Variants in CDC14A observed in about 807,000 individuals in gnomAD.
The protein encoded by CDC14A is dual specificity protein phosphatase CDC14A.
A neutral mutation model predicts 74.4 loss-of-function variants in CDC14A; 53 were observed. That is an observed-to-expected ratio of 0.71 (90% CI 0.57 to 0.89). CDC14A has a LOEUF of 0.89. Among genes scored for constraint, CDC14A ranks in the 40% least tolerant of loss-of-function variants. The pLI is 0.00. For missense variants in CDC14A, 646 were observed against 713.7 expected (o/e 0.91, Z 1.08); for synonymous variants, 247 against 258.4 (o/e 0.96, Z 0.43).
At chr1:100,420,176 A>G (rs184972901) in intron 4 of CDC14A, among the ~76,000 whole-genome samples, 16 of 135,428 alleles carry the variant, frequency 1.2e-4, no homozygotes, top group Non-Finnish European at 1.7e-4. Flanking sequence ...AAACAAAGCT[A>G]AAAACATAGT....
intron 14 of CDC14A, among the ~76,000 whole-genome samples, chr1:100,498,605 G>A (rs1648234251): frequency 6.6e-6 from 1 of 152,124 alleles, no homozygotes; most frequent in Non-Finnish European, 1.5e-5. Context: ...CCCCTTACAT[G>A]GCCCTTTTCC....
intron 5 of CDC14A, among the ~76,000 whole-genome samples, chr1:100,426,956 A>G (rs770022018): frequency 6.6e-6 from 1 of 152,206 alleles, no homozygotes; most frequent in Non-Finnish European, 1.5e-5. Flanking sequence ...GAATACTACT[A>G]GTTTTCTGGA....
chr1:100,368,886 C>T (rs904043424), intron 2 of CDC14A, among the ~76,000 whole-genome samples: 1 of 152,074 alleles, frequency 6.6e-6, no homozygotes, highest in Admixed American at 6.6e-5. Context: ...GGATAATAGC[C>T]TCCAGCTTCA....
At chr1:100,447,464 G>A (rs1244734184) in intron 7 of CDC14A, among the ~76,000 whole-genome samples, 1 of 152,242 alleles carries the variant, frequency 6.6e-6, no homozygotes, top group Non-Finnish European at 1.5e-5. Flanking sequence ...GTAACTGTGA[G>A]ATGGTGGTCC....
chr1:100,431,588 T>C (rs1446929416), intron 5 of CDC14A, among the ~76,000 whole-genome samples: 2 of 151,960 alleles, frequency 1.3e-5, no homozygotes, highest in African/African-American at 4.8e-5. Context: ...ATTCCTGTAA[T>C]CCCAGTGCTT....
rs1052564780 is a variant in CDC14A, at chr1:100,508,287, A to G, written c.1755+9025A>G. Among the ~76,000 whole-genome samples the G allele has an allele frequency of 1.5e-4, 22 of 151,284 alleles. No individual in the cohort carries two copies. Among genetic ancestry groups the G allele is most frequent in the Non-Finnish European group, 2.2e-4 (15 of 67,796 alleles). ...TCTTATTCTTTTTATATGTGTGTGT[A>G]TATATATAGATATATATATATATTT... On this transcript the variant is annotated intron_variant, in intron 15 of 15. Transcript: ENST00000336454. This position sits in a 1 kb window ranked among gnomAD's most constrained non-coding sequence, Gnocchi z 4.4.
intron 7 of CDC14A, among the ~76,000 whole-genome samples, chr1:100,449,993 A>G (rs772146734): frequency 1.3e-5 from 2 of 150,794 alleles, no homozygotes; most frequent in Non-Finnish European, 2.9e-5. Flanking sequence ...CAGCCAATCT[A>G]TGCTGCAAGA....
At chr1:100,375,601 C>T (rs980160606) in intron 2 of CDC14A, among the ~76,000 whole-genome samples, 1 of 152,174 alleles carries the variant, frequency 6.6e-6, no homozygotes, top group Admixed American at 6.5e-5. Context: ...CAATCAGATA[C>T]CATTTCACAC....
chr1:100,391,115 G>GA (rs1178986390), intron 4 of CDC14A: 362 of 382,258 alleles, frequency 9.5e-4, no homozygotes, highest in Middle Eastern at 2.1e-3. Flanking sequence ...ACATTTCTAG[G>GA]AAAAAAAAAT....
intron 2 of CDC14A, among the ~76,000 whole-genome samples, chr1:100,362,184 G>A (rs970055867): frequency 5.3e-5 from 8 of 152,156 alleles, no homozygotes; most frequent in African/African-American, 1.4e-4. Flanking sequence ...AAAATAGACC[G>A]TGTCTGTCCT....
intron 5 of CDC14A, among the ~76,000 whole-genome samples, chr1:100,424,868 A>G (rs1271923751): frequency 1.3e-5 from 2 of 152,158 alleles, no homozygotes; most frequent in African/African-American, 2.4e-5. Context: ...ACTTGAGCTC[A>G]TTTAAAAAGT....
intron 3 of CDC14A, among the ~76,000 whole-genome samples, chr1:100,384,594 C>T (rs182738996): frequency 3.5e-4 from 54 of 152,338 alleles, no homozygotes; most frequent in Admixed American, 1.9e-3. Context: ...TGACACACAA[C>T]AGCTACTCAA....
intron 15 of CDC14A, among the ~76,000 whole-genome samples, chr1:100,507,605 A>C (rs1300950476): frequency 2.0e-5 from 3 of 150,242 alleles, no homozygotes; most frequent in Non-Finnish European, 4.4e-5. Flanking sequence ...CGGCTCCACT[A>C]TCTTTTTGGA....
intron 8 of CDC14A, among the ~76,000 whole-genome samples, chr1:100,456,098 A>G (rs898684394): frequency 1.3e-5 from 2 of 152,244 alleles, no homozygotes; most frequent in African/African-American, 4.8e-5. Context: ...GAGGGCTCCT[A>G]AACATTGCCA....
At chr1:100,403,972 TTTTAA>T (rs1659598636) in intron 4 of CDC14A, among the ~76,000 whole-genome samples, 1 of 152,226 alleles carries the variant, frequency 6.6e-6, no homozygotes, top group African/African-American at 2.4e-5. Context: ...GATTGAATAA[TTTTAA>T]TTTATGTAAA....
intron 4 of CDC14A, among the ~76,000 whole-genome samples, chr1:100,412,733 A>ATATATATATATATATAAAATATATATG (rs1557732433): frequency 9.1e-6 from 1 of 110,120 alleles, no homozygotes; most frequent in African/African-American, 4.8e-5. Context: ...TTTTATATAT[A>ATATATATATATATATAAAATATATATG]TATATTTTAT....
At chr1:100,379,431 C>G (rs1655778175) in intron 3 of CDC14A, among the ~76,000 whole-genome samples, 1 of 152,134 alleles carries the variant, frequency 6.6e-6, no homozygotes, top group African/African-American at 2.4e-5. Context: ...GCATTACTTG[C>G]TGAATGATTG....
At chr1:100,415,824 G>C (rs561846105) in intron 4 of CDC14A, among the ~76,000 whole-genome samples, 199 of 152,108 alleles carry the variant, frequency 1.3e-3, no homozygotes, top group Non-Finnish European at 1.5e-3. Flanking sequence ...CAAGCAATTA[G>C]AACAAAGTGG....
chr1:100,392,800 T>C (rs1279547986), intron 4 of CDC14A, among the ~76,000 whole-genome samples: 6 of 152,226 alleles, frequency 3.9e-5, no homozygotes, highest in East Asian at 1.9e-4. Context: ...GTCATACTTA[T>C]TTTGAAAGCC....
Sources: gnomAD v4.1 joint callset for allele counts (sites outside exome capture counted in the v4.1 genomes callset) on GRCh38, gnomAD v4.1.1 for gene constraint, Gnocchi (gnomAD v3.1) non-coding constraint, MANE v1.5 for transcripts, NCBI Gene and HGNC (gene_info 2026-07-23, HGNC 2026-07-21) for gene names.